Variants in OR3A3 observed in about 807,000 individuals in gnomAD.
OR3A3 encodes olfactory receptor family 3 subfamily A member 3, also known as olfactory receptor 3A3.
For synonymous variants in OR3A3, 103 were observed against 163.9 expected (o/e 0.63, Z 2.84); for missense variants, 275 against 391.4 (o/e 0.70, Z 2.51).
chr17:3,414,723 T>C (rs569823423), intron 2 of OR3A3, among the ~76,000 whole-genome samples: 181 of 152,162 alleles, frequency 1.2e-3, no homozygotes, highest in African/African-American at 4.0e-3. Context: ...GAAATGGAAT[T>C]TGGTTGACAG....
chr17:3,421,844 T>C (rs2072437412), exon 3 of OR3A3: 2 of 221,082 alleles, frequency 9.0e-6, no homozygotes, highest in African/African-American at 2.3e-5. Flanking sequence ...ATATATAGTA[T>C]ACCACATGGT....
intron 2 of OR3A3, among the ~76,000 whole-genome samples, chr17:3,412,899 C>A (rs2072370100): frequency 1.3e-5 from 2 of 152,200 alleles, no homozygotes; most frequent in Admixed American, 1.3e-4. Context: ...GCACACTAAG[C>A]CAGGAAAGTC....
exon 3 of OR3A3, chr17:3,421,357 G>T: frequency 6.2e-7 from 1 of 1,614,166 alleles, no homozygotes; most frequent in Non-Finnish European, 8.5e-7. Flanking sequence ...CTATGGGACA[G>T]GTGTCTTCAG....
exon 3 of OR3A3, chr17:3,421,323 C>T (rs894415854): frequency 1.2e-6 from 2 of 1,614,224 alleles, no homozygotes; most frequent in East Asian, 4.5e-5. Context: ...CATGTGGCTC[C>T]CACCTCACTG....
At chr17:3,417,481 C>G (rs1220262395) in intron 2 of OR3A3, among the ~76,000 whole-genome samples, 2 of 152,128 alleles carry the variant, frequency 1.3e-5, no homozygotes, top group South Asian at 2.1e-4. Flanking sequence ...ATACGTCTTA[C>G]AGTAAAAAAA....
At chr17:3,420,216 T>C (rs2072421575) in intron 2 of OR3A3, among the ~76,000 whole-genome samples, 1 of 152,168 alleles carries the variant, frequency 6.6e-6, no homozygotes, top group Non-Finnish European at 1.5e-5. Context: ...CAAATTAACA[T>C]ATCCATCATC....
intron 2 of OR3A3, among the ~76,000 whole-genome samples, chr17:3,414,080 T>A (rs1200906850): frequency 2.0e-5 from 3 of 151,812 alleles, no homozygotes; most frequent in Admixed American, 1.3e-4. Context: ...ACCTTGACTC[T>A]TTTTTTTGAG....
intron 2 of OR3A3, among the ~76,000 whole-genome samples, chr17:3,419,729 C>CTTTTT (rs564569456): frequency 1.0e-4 from 10 of 98,900 alleles, no homozygotes; most frequent in East Asian, 2.8e-4. Flanking sequence ...AAAATTCTAT[C>CTTTTT]TTTTTTTTTT....
chr17:3,414,271 C>T (rs1263465705), intron 2 of OR3A3, among the ~76,000 whole-genome samples: 3 of 152,134 alleles, frequency 2.0e-5, no homozygotes, highest in African/African-American at 7.2e-5. Context: ...CGGGGTTTCA[C>T]CATGTTAACC....
At chr17:3,419,549 G>A (rs2072413125) in intron 2 of OR3A3, among the ~76,000 whole-genome samples, 1 of 152,118 alleles carries the variant, frequency 6.6e-6, no homozygotes, top group Non-Finnish European at 1.5e-5. Flanking sequence ...ATGAGTTGTT[G>A]AAGGGATGGC....
exon 3 of OR3A3, chr17:3,422,439 T>C (rs1202701977): frequency 6.6e-6 from 1 of 152,352 alleles, no homozygotes; most frequent in East Asian, 1.9e-4. Context: ...GTCCTCAGAA[T>C]TTTATTGTAG....
exon 3 of OR3A3, chr17:3,421,243 T>G (rs1444652169): frequency 6.2e-7 from 1 of 1,614,172 alleles, no homozygotes; most frequent in East Asian, 2.2e-5. Flanking sequence ...CATCAGTGTG[T>G]CCTATGCCCA....
chr17:3,417,240 A>T lies in OR3A3; in HGVS notation c.-6-3340A>T, dbSNP rs2150681098. On this transcript the variant is annotated intron_variant, in intron 2 of 2. Transcript: ENST00000641141. ...TATGGAATTCCTTTAGATTTTCTTA[A>T]ATTTCTTTTGTTTTCTTATTCTAAA... 2.6e-5 allele frequency among the ~76,000 whole-genome samples: 4 copies of T among 152,168 alleles called. 1 individual carries two copies. The Middle Eastern group carries it at 0.014, about 518-fold the overall frequency.
At chr17:3,417,048 G>T (rs189673883) in intron 2 of OR3A3, among the ~76,000 whole-genome samples, 181 of 151,716 alleles carry the variant, frequency 1.2e-3, no homozygotes, top group African/African-American at 4.0e-3. Context: ...TTTCTATTGG[G>T]CTATGTTTAT....
chr17:3,415,081 T>C (rs1476771044), intron 2 of OR3A3, among the ~76,000 whole-genome samples: 2 of 152,152 alleles, frequency 1.3e-5, no homozygotes, highest in Admixed American at 1.3e-4. Context: ...AGTTTTGTCT[T>C]TCCTTTTACT....
chr17:3,418,125 T>C (rs1286892539), intron 2 of OR3A3, among the ~76,000 whole-genome samples: 1 of 152,218 alleles, frequency 6.6e-6, no homozygotes, highest in East Asian at 1.9e-4. Context: ...ACACTTGTTT[T>C]TTGTTTTTCA....
exon 3 of OR3A3, chr17:3,421,069 C>A: frequency 6.2e-7 from 1 of 1,614,156 alleles, no homozygotes; most frequent in Non-Finnish European, 8.5e-7. Flanking sequence ...CGCACTGACC[C>A]ACACTGTGGC....
chr17:3,421,588 A>G (rs577779998), exon 3 of OR3A3: 59 of 1,512,306 alleles, frequency 3.9e-5, no homozygotes, highest in Admixed American at 9.1e-5. Flanking sequence ...CCGAGAAGAT[A>G]GTAACCAACA....
chr17:3,415,533 C>T (rs1405379568), intron 2 of OR3A3, among the ~76,000 whole-genome samples: 4 of 146,508 alleles, frequency 2.7e-5, no homozygotes, highest in South Asian at 2.1e-4. Flanking sequence ...TGCACTCCAG[C>T]CTGGGTGACA....
Sources: gnomAD v4.1 joint callset for allele counts (sites outside exome capture counted in the v4.1 genomes callset) on GRCh38, gnomAD v4.1.1 for gene constraint, MANE v1.5 for transcripts, NCBI Gene and HGNC (gene_info 2026-07-23, HGNC 2026-07-21) for gene names.